The following SKA3 variants were observed in gnomAD, a reference collection of about 807,000 sequenced individuals.
SKA3 encodes the protein spindle and kinetochore associated complex subunit 3, also known as spindle and kinetochore-associated protein 3.
Under a neutral mutation model 44.2 loss-of-function variants are expected in SKA3, and 39 were observed. The ratio of observed to expected loss-of-function variants is 0.88; its 90% CI spans 0.68 to 1.15. The LOEUF is 1.15. Ranked by LOEUF, SKA3 falls within the 50% of genes most tolerant of loss-of-function variation. The pLI, the probability that SKA3 is intolerant of heterozygous loss-of-function variation, is 0.00. For synonymous variants in SKA3, 192 were observed against 172.0 expected (o/e 1.12, Z -0.91); for missense variants, 511 against 485.8 (o/e 1.05, Z -0.49).
chr13:21,170,519 T>C (rs7334901), intron 3 of SKA3, among the ~76,000 whole-genome samples: 139,878 of 152,250 alleles, frequency 0.92, 64,525 homozygotes, highest in East Asian at 1. Flanking sequence ...GTTTTAAAAG[T>C]CTTGAGTTTA....
chr13:21,161,881 G>A lies in SKA3; in HGVS notation c.744-6C>T, dbSNP rs776792211. 0.011 allele frequency: 13,920 copies of A among 1,243,248 alleles called. No individual in the cohort carries two copies. Among genetic ancestry groups the A allele is most frequent in the Non-Finnish European group, 0.013 (12,179 of 937,462 alleles). 77.0% of individuals were successfully genotyped at this position (1,243,248 alleles called of 1,614,324 possible). On this transcript the variant is annotated splice_region_variant and splice_polypyrimidine_tract_variant and intron_variant, in intron 4 of 8. Transcript: ENST00000314759. ...CTGTATCTATGGCCTCCTCACTGGT[G>A]TGATTCATAGGGAAATTACAAGGTT...
At chr13:21,174,238 G>T (rs939624635) in intron 1 of SKA3, among the ~76,000 whole-genome samples, 6 of 152,090 alleles carry the variant, frequency 3.9e-5, no homozygotes, top group African/African-American at 1.2e-4. Flanking sequence ...CCCATCACTG[G>T]GTATATACCC....
At chr13:21,172,195 G>C in intron 3 of SKA3, 144 bp downstream of exon 3, 3 of 548,040 alleles carry the variant, frequency 5.5e-6, no homozygotes, top group Non-Finnish European at 9.4e-6. Context: ...CACACAGTGA[G>C]AGTTGACTAA....
intron 1 of SKA3, among the ~76,000 whole-genome samples, chr13:21,174,502 G>A (rs528182515): frequency 6.6e-6 from 1 of 151,962 alleles, no homozygotes; most frequent in South Asian, 2.1e-4. Flanking sequence ...AACACCGCAT[G>A]TTCTCACTCA....
intron 4 of SKA3, among the ~76,000 whole-genome samples, chr13:21,165,615 A>G (rs1164750930): frequency 6.6e-6 from 1 of 152,024 alleles, no homozygotes; most frequent in East Asian, 1.9e-4. Context: ...CTTATTTCCT[A>G]TCTCATTACA....
chr13:21,165,029 TTC>T (rs1288918396), intron 4 of SKA3, among the ~76,000 whole-genome samples: 2 of 152,034 alleles, frequency 1.3e-5, no homozygotes, highest in African/African-American at 4.8e-5. Flanking sequence ...TATCTATATT[TTC>T]TTTTATTTTT....
Position 21,153,923 on chromosome 13 carries a change from T to C in SKA3, c.*1227A>G, listed in dbSNP as rs191758058. 1.3e-5 allele frequency: 2 copies of C among 152,358 alleles called. No homozygotes were observed. Among genetic ancestry groups the C allele is most frequent in the Admixed American group, 6.5e-5 (1 of 15,304 alleles). 9.4% of individuals were successfully genotyped at this position (152,358 alleles called of 1,614,324 possible). ...AACAAAACTAAGTATCTTAACATTTTATTTTACATTATATTTAATAAAAAT... is the reference window on the plus strand; with the variant it reads ...AACAAAACTAAGTATCTTAACATTTCATTTTACATTATATTTAATAAAAAT... On this transcript the variant is annotated 3_prime_UTR_variant, in exon 9 of 9. Coordinates refer to ENST00000314759, the MANE Select transcript of SKA3 (RefSeq NM_145061.6).
At position 21,158,045 on chromosome 13, in the gene SKA3, T is replaced by G. The variant is rs1197464764; in HGVS notation, c.996A>C (p.Leu332Phe). The G allele has an allele frequency of 1.2e-6, 2 of 1,613,328 alleles. No individual in the cohort carries two copies. Among genetic ancestry groups the G allele is most frequent in the East Asian group, 4.5e-5 (2 of 44,838 alleles). Residue 332 changes from leucine to phenylalanine, a missense_variant, in exon 7 of 9, where the codon TTA becomes TTC. Leu to Phe is a conservative substitution (Grantham distance 22). Coordinates refer to ENST00000314759, the MANE Select transcript of SKA3 (RefSeq NM_145061.6). ...AATTCTCAAAGCATGTGTCTGAATT[T>G]AAAACCAACGAAGTACGATCTTCAA... ...LEVEDRTSLV[L>F]NSDTCFENLT...
chr13:21,168,373 C>G lies in SKA3; in HGVS notation c.358G>C (p.Asp120His). 1.2e-6 allele frequency: 2 copies of G among 1,612,626 alleles called. 1 individual carries two copies. Among genetic ancestry groups the G allele is most frequent in the Middle Eastern group, 3.3e-4 (2 of 6,054 alleles). Reference sequence around the variant, plus strand: ...TTTTCACAATTAGACAACTCTGGGTCAGAGTTAATGGCTTCTTGCTCGTGT... The same window carrying G: ...TTTTCACAATTAGACAACTCTGGGTGAGAGTTAATGGCTTCTTGCTCGTGT... ...SVHEQEAINS[D>H]PELSNCENFQ... is the part of the protein sequence containing the mutation. The change falls in exon 4 of 9, where the codon GAC becomes CAC. Residue 120 changes from aspartate (D) to histidine (H), a missense_variant. Asp to His is a moderately conservative substitution (Grantham distance 81). Coordinates refer to ENST00000314759, the MANE Select transcript of SKA3 (RefSeq NM_145061.6).
rs550874079 is a variant in SKA3 at position 21,174,579 on chromosome 13, C to T, written c.103+1796G>A. Among the ~76,000 whole-genome samples, 29 of 150,720 alleles carry T rather than the reference C, an allele frequency of 1.9e-4. No homozygotes were observed. In the South Asian group the frequency reaches 5.7e-3, roughly 30 times the overall value. On this transcript the variant is annotated intron_variant, in intron 1 of 8. Transcript: ENST00000314759. ...GGGAACATCACACACTTGGGCCTGTCATGGGGTGAGGGAAGGGGGGAGGGA... is the reference window on the plus strand; with the variant it reads ...GGGAACATCACACACTTGGGCCTGTTATGGGGTGAGGGAAGGGGGGAGGGA...
chr13:21,176,035 G>A (rs188527500), intron 1 of SKA3, among the ~76,000 whole-genome samples: 283 of 152,290 alleles, frequency 1.9e-3, no homozygotes, highest in African/African-American at 6.7e-3. Flanking sequence ...TGTATTATGA[G>A]CTCAATCTGT....
intron 3 of SKA3, among the ~76,000 whole-genome samples, chr13:21,169,693 TG>T (rs1432558670): frequency 6.6e-6 from 1 of 152,166 alleles, no homozygotes; most frequent in Non-Finnish European, 1.5e-5. Flanking sequence ...CTTTACCACC[TG>T]AGACACTAGC....
chr13:21,160,141 T>C (rs748571643), intron 5 of SKA3, among the ~76,000 whole-genome samples, 154 bp from the exon 6 acceptor site: 3 of 152,208 alleles, frequency 2.0e-5, no homozygotes, highest in South Asian at 2.1e-4. Flanking sequence ...AATAGTTGTG[T>C]TGTAATATAT....
At chr13:21,155,439 G>A (rs1273368950) in intron 8 of SKA3, among the ~76,000 whole-genome samples, 7 of 144,252 alleles carry the variant, frequency 4.9e-5, no homozygotes, top group Non-Finnish European at 7.5e-5. Flanking sequence ...ATGGAGTCTC[G>A]CTCTGTTGCC....
chr13:21,171,827 CA>C (rs1314031135), intron 3 of SKA3, among the ~76,000 whole-genome samples: 1 of 152,172 alleles, frequency 6.6e-6, no homozygotes, highest in Non-Finnish European at 1.5e-5. Flanking sequence ...GATTTGAACT[CA>C]GGCATTTTGA....
intron 6 of SKA3, among the ~76,000 whole-genome samples, chr13:21,159,211 A>G (rs1275299093): frequency 6.6e-6 from 1 of 152,256 alleles, no homozygotes; most frequent in African/African-American, 2.4e-5. Flanking sequence ...CCATCATTAT[A>G]GAAAATTCTA....
At chr13:21,170,669 C>T (rs879319211) in intron 3 of SKA3, among the ~76,000 whole-genome samples, 6 of 152,050 alleles carry the variant, frequency 3.9e-5, no homozygotes, top group Non-Finnish European at 8.8e-5. Context: ...CAAAAACCTA[C>T]TGATGTATTT....
At chr13:21,164,479 A>G (rs987137892) in intron 4 of SKA3, among the ~76,000 whole-genome samples, 1 of 152,046 alleles carries the variant, frequency 6.6e-6, no homozygotes, top group Non-Finnish European at 1.5e-5. Flanking sequence ...TTAAGAATCA[A>G]CTCTTTCCAT....
intron 3 of SKA3, 50 bp from the exon 4 acceptor site, chr13:21,168,449 C>G: frequency 7.5e-7 from 1 of 1,325,012 alleles, no homozygotes; most frequent in Non-Finnish European, 9.8e-7. Context: ...TGGAAAATTT[C>G]ACGTTTACAA....
Sources: allele counts gnomAD v4.1 joint callset (sites outside exome capture counted in the v4.1 genomes callset), GRCh38; gene constraint gnomAD v4.1.1; transcripts MANE v1.5; gene names NCBI Gene and HGNC (gene_info 2026-07-23, HGNC 2026-07-21).